Variants in TGFB2 observed in about 807,000 individuals in gnomAD.
TGFB2 encodes the protein transforming growth factor beta-2 proprotein.
TGFB2 carries 13 observed loss-of-function variants against 42.7 expected under a neutral mutation model. The observed-to-expected ratio is 0.30, with a 90% confidence interval of 0.20 to 0.48. The LOEUF is 0.48. Among genes scored for constraint, TGFB2 ranks in the 20% least tolerant of loss-of-function variants. The pLI is 0.99. For synonymous variants in TGFB2, 193 were observed against 193.6 expected (o/e 1.00, Z 0.03); for missense variants, 390 against 517.5 (o/e 0.75, Z 2.39).
At chr1:218,395,293 G>A (rs752656579) in intron 1 of TGFB2, among the ~76,000 whole-genome samples, 8 of 152,154 alleles carry the variant, frequency 5.3e-5, no homozygotes, top group Non-Finnish European at 1.0e-4. Context: ...CATCAGGTGC[G>A]TTCTCTTAGG....
chr1:218,402,935 C>T lies in TGFB2; in HGVS notation c.347-2234C>T, dbSNP rs115954902. Among the ~76,000 whole-genome samples, 323 of 152,314 alleles carry T rather than the reference C, an allele frequency of 2.1e-3. 1 individual carries two copies. Among genetic ancestry groups the T allele is most frequent in the African/African-American group, 7.4e-3 (306 of 41,566 alleles). ...GCCTAGGCTTCTCTGGTTGTCTGGC[C>T]TGTTTTCAGCTGAGCTGGTCGGCAT... is the stretch of plus-strand genomic sequence containing the variant. On this transcript the variant is annotated intron_variant, in intron 1 of 6. Transcript: ENST00000366930.
intron 2 of TGFB2, among the ~76,000 whole-genome samples, chr1:218,429,181 A>C (rs1388037884): frequency 3.3e-5 from 5 of 151,968 alleles, no homozygotes; most frequent in Admixed American, 6.5e-5. Context: ...GGGTTTCACC[A>C]TGTTGGCCAG....
In TGFB2 at chr1:218,392,908, T is replaced by C. The variant is rs11466392; in HGVS notation, c.347-12261T>C. 3.8e-3 allele frequency among the ~76,000 whole-genome samples: 575 copies of C among 152,360 alleles called. 2 individuals are homozygous for C. Among genetic ancestry groups the C allele is most frequent in the African/African-American group, 0.014 (564 of 41,586 alleles). ...CTAGCAGGGTGTGCCCCGCCACTTA[T>C]TAGCTTAAGCTTTAGGGCAGAGCAA... On this transcript the variant is annotated intron_variant, in intron 1 of 6. Transcript: ENST00000366930.
At chr1:218,432,435 C>T (rs1558261394) in intron 2 of TGFB2, among the ~76,000 whole-genome samples, 1 of 152,142 alleles carries the variant, frequency 6.6e-6, no homozygotes, top group Non-Finnish European at 1.5e-5. Context: ...TTCATGAGGG[C>T]ACCCAAGGGT....
At chr1:218,422,977 A>G (rs2102614458) in intron 2 of TGFB2, among the ~76,000 whole-genome samples, 1 of 152,284 alleles carries the variant, frequency 6.6e-6, no homozygotes, top group South Asian at 2.1e-4. Context: ...AAATATTTGA[A>G]TATTATTAGT....
chr1:218,347,402 G>C (rs1278375231), intron 1 of TGFB2, among the ~76,000 whole-genome samples: 1 of 152,150 alleles, frequency 6.6e-6, no homozygotes, highest in Non-Finnish European at 1.5e-5. Flanking sequence ...TTAAACTGAG[G>C]AATCTTGGTA....
intron 1 of TGFB2, among the ~76,000 whole-genome samples, chr1:218,392,070 G>A (rs6665080): frequency 0.037 from 5,616 of 152,114 alleles, 333 homozygotes; most frequent in African/African-American, 0.13. Context: ...TGGCTTGATC[G>A]GCCAGGCACG....
At position 218,353,402 on chromosome 1, in the gene TGFB2, T is replaced by G. The variant is rs184174109; in HGVS notation, c.346+6355T>G. On this transcript the variant is annotated intron_variant, in intron 1 of 6. Coordinates refer to ENST00000366930, the MANE Select transcript of TGFB2 (RefSeq NM_003238.6). Reference sequence around the variant, plus strand: ...TTCTCCTATGAGAAGGCCTGAGAGTTTAGGCAATTAGATTCAGGCCTTTCA... The same window carrying G: ...TTCTCCTATGAGAAGGCCTGAGAGTGTAGGCAATTAGATTCAGGCCTTTCA... 3.6e-3 allele frequency among the ~76,000 whole-genome samples: 545 copies of G among 152,286 alleles called. 2 individuals carry two copies. The highest frequency in any genetic ancestry group is 0.012 in the African/African-American group (499 of 41,556).
intron 4 of TGFB2, 26 bp downstream of exon 4, chr1:218,434,474 TG>T (rs976149098): frequency 3.5e-6 from 5 of 1,424,112 alleles, no homozygotes; most frequent in Non-Finnish European, 4.9e-6. Context: ...TCATATGAGG[TG>T]GGGGAGGGAA....
At chr1:218,417,716 G>A (rs533423924) in intron 2 of TGFB2, among the ~76,000 whole-genome samples, 18 of 152,322 alleles carry the variant, frequency 1.2e-4, no homozygotes, top group African/African-American at 3.8e-4. Flanking sequence ...TGTGGGCCTG[G>A]CCCAGGGTCC....
intron 2 of TGFB2, among the ~76,000 whole-genome samples, chr1:218,420,653 G>A (rs1558255686): frequency 2.0e-5 from 3 of 152,098 alleles, no homozygotes; most frequent in Non-Finnish European, 4.4e-5. Flanking sequence ...ATGTGTGTAT[G>A]TGTGTAACTT....
intron 2 of TGFB2, 91 bp downstream of exon 2, chr1:218,405,423 G>A (rs767803932): frequency 2.0e-4 from 319 of 1,594,850 alleles, no homozygotes; most frequent in Non-Finnish European, 2.5e-4. Context: ...AGAGTACAGT[G>A]GCATGATCAC....
At chr1:218,368,356 C>T (rs1319390306) in intron 1 of TGFB2, among the ~76,000 whole-genome samples, 2 of 151,750 alleles carry the variant, frequency 1.3e-5, no homozygotes, top group Admixed American at 6.6e-5. Flanking sequence ...CCACTGGTCT[C>T]GAACTCCTAA....
intron 1 of TGFB2, among the ~76,000 whole-genome samples, chr1:218,390,642 A>G (rs1658289447): frequency 1.3e-5 from 2 of 152,184 alleles, no homozygotes; most frequent in Admixed American, 1.3e-4. Flanking sequence ...TAGTTCTGCA[A>G]TGGAGATTCT....
At chr1:218,383,696 A>G (rs1658037051) in intron 1 of TGFB2, among the ~76,000 whole-genome samples, 1 of 152,204 alleles carries the variant, frequency 6.6e-6, no homozygotes, top group South Asian at 2.1e-4. Flanking sequence ...GGATTTTCAC[A>G]CAGCTACGTG....
Position 218,346,566 on chromosome 1 carries a change from T to C in TGFB2, c.-136T>C. The C allele has an allele frequency of 1.4e-6, 1 of 715,428 alleles. No homozygotes were observed. The highest frequency in any genetic ancestry group is 2.2e-6 in the Non-Finnish European group (1 of 454,874). 44.3% of individuals were successfully genotyped at this position (715,428 alleles called of 1,614,324 possible). A position where few individuals can be genotyped will look rare whatever the true frequency, so the allele number is the denominator to read the frequency against. ...TTTCTGTTGGGCATTGACTAGATTGTTTGCAAAAGTTTCGCATCAAAAACA... is the reference window on the plus strand; with the variant it reads ...TTTCTGTTGGGCATTGACTAGATTGCTTGCAAAAGTTTCGCATCAAAAACA... On this transcript the variant is annotated 5_prime_UTR_variant, in exon 1 of 7. Coordinates refer to ENST00000366930, the MANE Select transcript of TGFB2 (RefSeq NM_003238.6). The surrounding 1 kb of genome is among the most constrained non-coding windows in gnomAD (Gnocchi z 4.9).
At chr1:218,438,965 C>G (rs1404543714) in intron 6 of TGFB2, among the ~76,000 whole-genome samples, 1 of 151,902 alleles carries the variant, frequency 6.6e-6, no homozygotes, top group African/African-American at 2.4e-5. Flanking sequence ...AAAAATTAAC[C>G]AGGCATGGTG....
chr1:218,426,506 G>C (rs994529321), intron 2 of TGFB2, among the ~76,000 whole-genome samples: 1 of 152,078 alleles, frequency 6.6e-6, no homozygotes, highest in Non-Finnish European at 1.5e-5. Context: ...TCAATGAAGA[G>C]CTTGGAGCCT....
intron 1 of TGFB2, among the ~76,000 whole-genome samples, chr1:218,352,613 T>C (rs1656905315): frequency 6.6e-6 from 1 of 152,208 alleles, no homozygotes; most frequent in Non-Finnish European, 1.5e-5. Flanking sequence ...TTTTGATGGT[T>C]GGCTGTTTTG....
Sources: allele counts gnomAD v4.1 joint callset (sites outside exome capture counted in the v4.1 genomes callset), GRCh38; gene constraint gnomAD v4.1.1; non-coding constraint Gnocchi (gnomAD v3.1); transcripts MANE v1.5; gene names NCBI Gene and HGNC (gene_info 2026-07-23, HGNC 2026-07-21).